The following LATS1 variants were observed in gnomAD, a reference collection of about 807,000 sequenced individuals.
LATS1 encodes the protein large tumor suppressor kinase 1, also known as serine/threonine-protein kinase LATS1.
In LATS1, 25 loss-of-function variants were observed where a neutral mutation model predicts 106.6. That is an observed-to-expected ratio of 0.23 (90% CI 0.17 to 0.33). LATS1 has a LOEUF of 0.33. LATS1 is among the 10% of genes least tolerant of loss of function. LATS1 has a pLI of 1.00. For synonymous variants in LATS1, 465 were observed against 455.6 expected (o/e 1.02, Z -0.26); for missense variants, 1,040 against 1,382.6 (o/e 0.75, Z 3.93).
chr6:149,678,031 A>C (rs868257911), intron 5 of LATS1, among the ~76,000 whole-genome samples: 3,457 of 143,224 alleles, frequency 0.024, 130 homozygotes, highest in African/African-American at 0.084. Flanking sequence ...AAAAAAAAAA[A>C]CAAACAGGCT....
At chr6:149,704,656 A>T (rs994154283) in intron 1 of LATS1, among the ~76,000 whole-genome samples, 2 of 151,082 alleles carry the variant, frequency 1.3e-5, no homozygotes, top group African/African-American at 4.9e-5. Flanking sequence ...TAAGTTGTTA[A>T]TTTTTTGTAA....
rs1780839166 is a variant in LATS1 at position 149,660,297 on chromosome 6, G to A, written c.*1432C>T. ...GACCACCTGTAGAAAGGTGGGAAGT[G>A]TGGGCTAATAAGTGTTCTTTGCCCT... On this transcript the variant is annotated 3_prime_UTR_variant, in exon 8 of 8. Coordinates refer to ENST00000543571, the MANE Select transcript of LATS1 (RefSeq NM_004690.4). 4.3e-6 allele frequency: 1 copy of A among 233,118 alleles called. No homozygotes were observed. Among genetic ancestry groups the A allele is most frequent in the Non-Finnish European group, 8.5e-6 (1 of 117,972 alleles). 14.4% of individuals were successfully genotyped at this position (233,118 alleles called of 1,614,324 possible).
chr6:149,711,522 T>C (rs1784095548), intron 1 of LATS1, among the ~76,000 whole-genome samples: 1 of 152,062 alleles, frequency 6.6e-6, no homozygotes, highest in Non-Finnish European at 1.5e-5. Context: ...CTAGCCTGGG[T>C]GACAGGGTGA....
At chr6:149,666,956 A>AG in intron 7 of LATS1, among the ~76,000 whole-genome samples, 1 of 151,946 alleles carries the variant, frequency 6.6e-6, no homozygotes, top group East Asian at 1.9e-4. Flanking sequence ...AAAAAAAAAA[A>AG]AAAATGCTCC....
In LATS1 at chr6:149,658,788, C is replaced by T. The variant is rs190326593; in HGVS notation, c.*2941G>A. ...AGGTAGAAAAGATACAGCAGTAGGG[C>T]CTGCCTTATGATGTCACTGGACAAT... On this transcript the variant is annotated 3_prime_UTR_variant, in exon 8 of 8. Transcript: ENST00000543571. The T allele has an allele frequency of 3.9e-5, 6 of 152,234 alleles. No individual in the cohort carries two copies. The East Asian group carries it at 1.2e-3, about 29-fold the overall frequency. 9.4% of individuals were successfully genotyped at this position (152,234 alleles called of 1,614,324 possible).
intron 2 of LATS1, among the ~76,000 whole-genome samples, chr6:149,697,637 CTA>C (rs1256924206): frequency 6.6e-6 from 1 of 152,152 alleles, no homozygotes; most frequent in East Asian, 1.9e-4. Flanking sequence ...CAAGTGAACT[CTA>C]TATGTATTTA....
rs1338870049 is a variant in LATS1 at position 149,679,983 on chromosome 6, T to C, written c.2485A>G (p.Ile829Val). The change falls in exon 5 of 8, where the codon ATT (isoleucine) becomes GTT (valine). Residue 829 changes from isoleucine to valine, a missense_variant. This residue lies in a region of LATS1 where 167 missense variants were observed against 332.1 expected (regional missense o/e 0.50). Coordinates refer to ENST00000543571, the MANE Select transcript of LATS1 (RefSeq NM_004690.4). Reference protein sequence around the residue: ...VHKMGFIHRDIKPDNILIDRD... With the variant: ...VHKMGFIHRDVKPDNILIDRD... ...TCAATCAAAATATTATCAGGTTTAA[T>C]ATCTCTATGAATAAAACCCATTTTA... 3.1e-6 allele frequency: 5 copies of C among 1,614,146 alleles called. No individual in the cohort carries two copies. The highest frequency in any genetic ancestry group is 4.2e-6 in the Non-Finnish European group (5 of 1,179,996).
At chr6:149,695,784 C>CT (rs1028507718) in intron 2 of LATS1, among the ~76,000 whole-genome samples, 3 of 151,440 alleles carry the variant, frequency 2.0e-5, no homozygotes, top group African/African-American at 4.8e-5. Context: ...GGATTAACGT[C>CT]TTTTTTTAAA....
At position 149,683,709 on chromosome 6, in the gene LATS1, C is replaced by T; in HGVS notation, c.1380G>A (p.Val460=). 6.2e-7 allele frequency: 1 copy of T among 1,614,158 alleles called. No individual in the cohort carries two copies. The highest frequency in any genetic ancestry group is 8.5e-7 in the Non-Finnish European group (1 of 1,180,036). The change falls in exon 4 of 8, where the codon GTG becomes GTA. Residue 460 remains valine, a synonymous_variant. Coordinates refer to ENST00000543571, the MANE Select transcript of LATS1 (RefSeq NM_004690.4). Reference sequence around the variant, plus strand: ...ATGGGTTATTAAAAGAATTTGACCTCACTGGTATGTTAGGTTGCCATGTAG... The same window carrying T: ...ATGGGTTATTAAAAGAATTTGACCTTACTGGTATGTTAGGTTGCCATGTAG... The part of the protein sequence containing the change: ...EIPTWQPNIP[V]RSNSFNNPLG...
chr6:149,675,274 A>AGGGT (rs956638821), intron 7 of LATS1, among the ~76,000 whole-genome samples: 3 of 151,774 alleles, frequency 2.0e-5, no homozygotes, highest in Non-Finnish European at 4.4e-5. Flanking sequence ...GAAAGGAGGA[A>AGGGT]GGGTTATAGA....
At chr6:149,700,441 C>A (rs952294764) in intron 2 of LATS1, among the ~76,000 whole-genome samples, 1 of 151,972 alleles carries the variant, frequency 6.6e-6, no homozygotes, top group African/African-American at 2.4e-5. Flanking sequence ...CCACTGCACT[C>A]CAGTTTGGGT....
intron 3 of LATS1, 37 bp from the exon 4 acceptor site, chr6:149,684,629 A>T: frequency 6.9e-7 from 1 of 1,454,364 alleles, no homozygotes; most frequent in African/African-American, 1.4e-5. Flanking sequence ...AAAAAGAATC[A>T]TGTTTTTAAC....
chr6:149,666,495 G>T (rs1395019826), intron 7 of LATS1, among the ~76,000 whole-genome samples: 2 of 152,108 alleles, frequency 1.3e-5, no homozygotes, highest in East Asian at 3.9e-4. Flanking sequence ...GCGAGCAACT[G>T]TAGTCCCAGC....
intron 7 of LATS1, among the ~76,000 whole-genome samples, chr6:149,671,957 G>A (rs1401255707): frequency 1.3e-5 from 2 of 149,002 alleles, no homozygotes; most frequent in Admixed American, 6.7e-5. Flanking sequence ...GGCACTGTAC[G>A]GGCTCACTGC....
rs551291418 is a variant in LATS1 at position 149,660,394 on chromosome 6, C to T, written c.*1335G>A. The T allele has an allele frequency of 4.7e-5, 11 of 232,562 alleles. No homozygotes were observed. Among genetic ancestry groups the T allele is most frequent in the African/African-American group, 1.5e-4 (7 of 45,354 alleles). 14.4% of individuals were successfully genotyped at this position (232,562 alleles called of 1,614,324 possible). On this transcript the variant is annotated 3_prime_UTR_variant, in exon 8 of 8. Coordinates refer to ENST00000543571, the MANE Select transcript of LATS1 (RefSeq NM_004690.4). ...TATACGGTTTCAATTAGCTTTTATG[C>T]GAAGAAAGCTAAAAGTATGAAAATC...
intron 7 of LATS1, among the ~76,000 whole-genome samples, chr6:149,671,807 T>G (rs745342389): frequency 6.6e-6 from 1 of 152,012 alleles, no homozygotes; most frequent in Non-Finnish European, 1.5e-5. Flanking sequence ...ACACATTAAT[T>G]ACAGGAGAAG....
chr6:149,707,309 C>T (rs1301597490), intron 1 of LATS1, among the ~76,000 whole-genome samples: 3 of 151,926 alleles, frequency 2.0e-5, no homozygotes, highest in Admixed American at 1.3e-4. Flanking sequence ...CCACTGTGCC[C>T]GGCCGGACAT....
chr6:149,683,201 G>A lies in LATS1; in HGVS notation c.1888C>T (p.Arg630Cys), dbSNP rs767993990. 26 of 1,613,928 alleles carry A rather than the reference G, an allele frequency of 1.6e-5. No individual in the cohort carries two copies. The East Asian group carries it at 2.2e-4, about 14-fold the overall frequency. ...NKKDEERRESRIQSYSPQAFK... is the reference protein window; with the variant it reads ...NKKDEERRESCIQSYSPQAFK... ...GCTTGAGGAGAATAACTTTGAATAC[G>A]AGATTCCCTTCGCTCTTCATCTTTC... The change falls in exon 4 of 8, where the codon CGT becomes TGT. Residue 630 changes from arginine (R) to cysteine (C), a missense_variant. Physicochemically the swap from Arg to Cys is radical, Grantham distance 180. Coordinates refer to ENST00000543571, the MANE Select transcript of LATS1 (RefSeq NM_004690.4).
chr6:149,682,154 G>C (rs1471837638), intron 4 of LATS1, among the ~76,000 whole-genome samples: 2 of 151,258 alleles, frequency 1.3e-5, no homozygotes, highest in Non-Finnish European at 2.9e-5. Context: ...AATATCTAGA[G>C]ATCTATGTGG....
Sources: allele counts gnomAD v4.1 joint callset (sites outside exome capture counted in the v4.1 genomes callset), GRCh38; gene constraint gnomAD v4.1.1; regional missense constraint gnomAD v4.1.1; transcripts MANE v1.5; gene names NCBI Gene and HGNC (gene_info 2026-07-23, HGNC 2026-07-21).